DOK7: variants seen among roughly 807,000 people sequenced by gnomAD.
DOK7 encodes protein Dok-7.
Under a neutral mutation model 30.7 loss-of-function variants are expected in DOK7, and 32 were observed. That is an observed-to-expected ratio of 1.04 (90% CI 0.79 to 1.40). The LOEUF is 1.40. Ranked by LOEUF, DOK7 falls within the 40% of genes most tolerant of loss-of-function variation. The pLI is 0.00. For synonymous variants in DOK7, 447 were observed against 324.1 expected (o/e 1.38, Z -4.07); for missense variants, 1,007 against 699.2 (o/e 1.44, Z -4.97).
chr4:3,478,598 TG>T (rs1268750728), intron 4 of DOK7, among the ~76,000 whole-genome samples: 1 of 143,010 alleles, frequency 7.0e-6, no homozygotes, highest in Admixed American at 7.0e-5. Flanking sequence ...AAACGGGGGC[TG>T]GCCCCACAGA....
At chr4:3,498,322 T>G (rs981523193), downstream of DOK7, among the ~76,000 whole-genome samples, 1 of 152,184 alleles carries the variant, frequency 6.6e-6, no homozygotes, top group East Asian at 1.9e-4. Flanking sequence ...GACACACTGC[T>G]GGCCCAGCGC....
At position 3,493,403 on chromosome 4, in the gene DOK7, G is replaced by T. The variant is rs1359635065; in HGVS notation, c.1417G>T (p.Glu473Ter). 6.3e-7 allele frequency: 1 copy of T among 1,596,346 alleles called. No individual in the cohort carries two copies. The highest frequency in any genetic ancestry group is 1.3e-5 in the African/African-American group (1 of 74,762). ...CACACTGCCTGGCCCTGCCCCTGGC[G>T]AGCCCTGGGAAGCAGGCGGCCCCCA... ...EATLPGPAPG[E>*]PWEAGGPHAG... The change falls in exon 7 of 7, where the codon GAG becomes TAG. Residue 473 changes from glutamate (E) to a stop codon, truncating the protein, a stop_gained. Coordinates refer to ENST00000340083, the MANE Select transcript of DOK7 (RefSeq NM_173660.5). LOFTEE classifies it high-confidence loss of function.
chr4:3,473,266 G>A (rs1250829197), intron 2 of DOK7, 140 bp from the exon 3 acceptor site: 15 of 768,786 alleles, frequency 2.0e-5, no homozygotes, highest in African/African-American at 1.6e-4. Context: ...GCCGGGAGTC[G>A]AAGCCTTGGC....
At chr4:3,488,841 G>A (rs551263062) in intron 5 of DOK7, among the ~76,000 whole-genome samples, 116 of 151,840 alleles carry the variant, frequency 7.6e-4, no homozygotes, top group Non-Finnish European at 2.9e-5. Context: ...CGTGGGTGCT[G>A]TGGATGTGGA....
intron 2 of DOK7, among the ~76,000 whole-genome samples, chr4:3,467,445 G>A (rs1311948773): frequency 6.9e-6 from 1 of 145,414 alleles, no homozygotes; most frequent in Non-Finnish European, 1.5e-5. Context: ...CGTGTCCAGG[G>A]AAGACCCCCC....
chr4:3,469,033 T>G (rs913186880), intron 2 of DOK7, among the ~76,000 whole-genome samples: 2 of 149,056 alleles, frequency 1.3e-5, no homozygotes, highest in Non-Finnish European at 3.0e-5. Context: ...CCTGTGTATG[T>G]GTATGAGTGT....
In DOK7 at chr4:3,493,420, CG is replaced by C; in HGVS notation, c.1436del (p.Gly479AlafsTer22). 1 of 1,599,188 alleles carries C rather than the reference CG, an allele frequency of 6.3e-7. No individual in the cohort carries two copies. The highest frequency in any genetic ancestry group is 8.5e-7 in the Non-Finnish European group (1 of 1,173,160). On this transcript the variant is annotated frameshift_variant, in exon 7 of 7. Transcript: ENST00000340083. LOFTEE classifies it high-confidence loss of function. ...PAPGEPWEAGGPHAGPPPAFF... is the reference protein window; with the variant it reads ...PAPGEPWEAGXPHAGPPPAFF... ...CCCCTGGCGAGCCCTGGGAAGCAGG[CG>C]GCCCCCACGCGGGGCCACCCCCGGC...
At chr4:3,499,218 G>A (rs969517461), downstream of DOK7, among the ~76,000 whole-genome samples, 3 of 152,332 alleles carry the variant, frequency 2.0e-5, no homozygotes, top group African/African-American at 4.8e-5. Flanking sequence ...GGCCGACCCT[G>A]CAGGGCTGTC....
downstream of DOK7, among the ~76,000 whole-genome samples, chr4:3,494,941 TGTGGG>T (rs1367684401): frequency 1.6e-3 from 244 of 152,202 alleles, 2 homozygotes; most frequent in African/African-American, 5.5e-3. Context: ...GCCACCCTGT[TGTGGG>T]TGCCTGCCTG....
rs743716 is a variant in DOK7, at chr4:3,488,033, C to T, written c.653-1644C>T. Among the ~76,000 whole-genome samples, 1,253 of 152,364 alleles carry T rather than the reference C, an allele frequency of 8.2e-3. 22 individuals are homozygous for T. Among genetic ancestry groups the T allele is most frequent in the African/African-American group, 0.028 (1,177 of 41,590 alleles). On this transcript the variant is annotated intron_variant, in intron 5 of 6. Transcript: ENST00000340083. The stretch of plus-strand genomic sequence containing the variant: ...CTCCATGGCCACCAGCAGGCCGTGT[C>T]GGGAGGGACTGATGCCTGAGCTGGC...
intron 2 of DOK7, among the ~76,000 whole-genome samples, chr4:3,471,377 G>A (rs965592511): frequency 6.6e-6 from 1 of 152,248 alleles, no homozygotes; most frequent in Non-Finnish European, 1.5e-5. Flanking sequence ...CAGGGGCCTT[G>A]CCCCTTAGGG....
At chr4:3,480,803 C>T (rs1305752867) in intron 4 of DOK7, among the ~76,000 whole-genome samples, 1 of 152,020 alleles carries the variant, frequency 6.6e-6, no homozygotes, top group Non-Finnish European at 1.5e-5. Flanking sequence ...TTCTCATTGC[C>T]GGGCGCTGGG....
At chr4:3,466,580 T>A (rs1348504101) in intron 2 of DOK7, among the ~76,000 whole-genome samples, 2 of 152,128 alleles carry the variant, frequency 1.3e-5, no homozygotes, top group African/African-American at 4.8e-5. Context: ...TGGTGGCCAG[T>A]TATCCTCTCC....
downstream of DOK7, among the ~76,000 whole-genome samples, chr4:3,495,810 G>C (rs1012193799): frequency 6.6e-6 from 1 of 152,186 alleles, no homozygotes; most frequent in African/African-American, 2.4e-5. Context: ...GGAGCAGCTG[G>C]GGAGGGGCCC....
intron 5 of DOK7, among the ~76,000 whole-genome samples, chr4:3,486,675 G>T (rs1461197175): frequency 1.2e-5 from 1 of 82,744 alleles, no homozygotes; most frequent in Non-Finnish European, 2.5e-5. Context: ...ACCCCTGTAG[G>T]TGTCTTCCTG....
rs1283292140 is a variant in DOK7 at position 3,493,288 on chromosome 4, A to G, written c.1302A>G (p.Ser434=). 6 of 1,608,780 alleles carry G rather than the reference A, an allele frequency of 3.7e-6. No homozygotes were observed. In the African/African-American group the frequency reaches 6.7e-5, roughly 18 times the overall value. The change falls in exon 7 of 7, where the codon TCA becomes TCG. Residue 434 remains serine, a synonymous_variant. Transcript: ENST00000340083. ...GSPGNSAARD[S]GGQTSAGCPS... ...CCGGCAACAGTGCGGCCAGGGACTC[A>G]GGCGGCCAGACGTCCGCCGGGTGTC...
At position 3,493,621 on chromosome 4, in the gene DOK7, C is replaced by G. The variant is rs1189944500; in HGVS notation, c.*120C>G. On this transcript the variant is annotated 3_prime_UTR_variant, in exon 7 of 7. Transcript: ENST00000340083. ...GTGTTCTGTGGGAGGGACCGGGGGT[C>G]TCCCGGAGAGGGGAGCTGGAGGGCG... 3.3e-6 allele frequency: 5 copies of G among 1,498,956 alleles called. No homozygotes were observed. The highest frequency in any genetic ancestry group is 1.8e-6 in the Non-Finnish European group (2 of 1,121,230). 92.9% of individuals were successfully genotyped at this position (1,498,956 alleles called of 1,614,324 possible).
downstream of DOK7, chr4:3,496,948 A>T: frequency 7.5e-6 from 1 of 133,954 alleles, no homozygotes; most frequent in Non-Finnish European, 1.3e-5. Context: ...GAGTTTGACT[A>T]GATGGGGAGG....
At chr4:3,487,665 G>A (rs1727898151) in intron 5 of DOK7, among the ~76,000 whole-genome samples, 1 of 152,224 alleles carries the variant, frequency 6.6e-6, no homozygotes, top group African/African-American at 2.4e-5. Context: ...TGCAGACGAG[G>A]GTGAGAGGCT....
Sources: allele counts gnomAD v4.1 joint callset (sites outside exome capture counted in the v4.1 genomes callset), GRCh38; gene constraint gnomAD v4.1.1; transcripts MANE v1.5; gene names NCBI Gene and HGNC (gene_info 2026-07-23, HGNC 2026-07-21).